The following TRAP1 variants were observed in gnomAD, a reference collection of about 807,000 sequenced individuals.
TRAP1 encodes the protein TNF receptor associated protein 1.
In TRAP1, 102 loss-of-function variants were observed where a neutral mutation model predicts 89.1. That is an observed-to-expected ratio of 1.15 (90% confidence interval 0.98 to 1.35). The LOEUF (loss-of-function observed/expected upper bound fraction) is 1.35, where lower values mean the gene tolerates loss of function less well. Among genes scored for constraint, TRAP1 ranks in the 40% most tolerant of loss-of-function variants. TRAP1 has a pLI of 0.00. For missense variants in TRAP1, 1,256 were observed against 945.3 expected, an observed-to-expected ratio of 1.33 and a Z score of -4.31; for synonymous variants, 508 against 388.0, an observed-to-expected ratio of 1.31 and a Z score of -3.64.
chr16:3,672,502 C>T (rs1028036347), intron 10 of TRAP1, among the ~76,000 whole-genome samples, 198 bp downstream of exon 10: 1 of 152,178 alleles, frequency 6.6e-6, no homozygotes, highest in South Asian at 2.1e-4. Context: ...CCAGTGCTCC[C>T]CCCAGATCAG....
Position 3,674,484 on chromosome 16 carries a change from A to C in TRAP1, c.899T>G (p.Met300Arg), listed in dbSNP as rs748184650. The part of the protein sequence containing the change: ...RRMNTLQAIW[M>R]MDPKDVREWQ... The stretch of plus-strand genomic sequence containing the variant: ...CTCACGGACATCCTTGGGGTCCATC[A>C]TCCAGATGGCCTGGAAACGGAGATC... Residue 300 changes from methionine to arginine, a missense_variant, in exon 9 of 18, where the codon ATG (methionine) becomes AGG (arginine). By Grantham distance (91) the Met-to-Arg change is moderately conservative (BLOSUM62 -1). Transcript: ENST00000246957. The C allele has an allele frequency of 1.2e-6, 2 of 1,613,894 alleles. No homozygotes were observed. The highest frequency in any genetic ancestry group is 1.7e-6 in the Non-Finnish European group (2 of 1,179,980).
rs1330866279 is a variant in TRAP1, at chr16:3,717,364, C to T, written c.88+57G>A. On this transcript the variant is annotated intron_variant, in intron 1 of 17. Transcript: ENST00000246957. ...CTCGCTCCCCGGAGCACAGGGACGTCCCTGCCGTCTCCGTGGCCCGGCCCG... is the reference window on the plus strand; with the variant it reads ...CTCGCTCCCCGGAGCACAGGGACGTTCCTGCCGTCTCCGTGGCCCGGCCCG... The T allele has an allele frequency of 7.1e-6, 5 of 700,298 alleles. No homozygotes were observed. The South Asian group carries it at 2.0e-4, about 27-fold the overall frequency. The allele number at this position is 700,298 out of a possible 1,614,324, so 43.4% of individuals were successfully genotyped here.
At chr16:3,671,898 C>T (rs142173930) in intron 10 of TRAP1, 107 bp from the exon 11 acceptor site, 20 of 1,203,384 alleles carry the variant, frequency 1.7e-5, no homozygotes, top group African/African-American at 1.6e-4. Context: ...CAACCCAGCA[C>T]GTGTGCTAAG....
At position 3,686,260 on chromosome 16, in the gene TRAP1, A is replaced by C. The variant is rs1256227805; in HGVS notation, c.331-124T>G. The C allele has an allele frequency of 2.5e-6, 3 of 1,188,124 alleles. No individual in the cohort carries two copies. The African/African-American group carries it at 4.6e-5, about 18-fold the overall frequency. 73.6% of individuals were successfully genotyped at this position (1,188,124 alleles called of 1,614,324 possible). On this transcript the variant is annotated intron_variant, in intron 3 of 17. Coordinates refer to ENST00000246957, the MANE Select transcript of TRAP1 (RefSeq NM_016292.3). ...GAGAATAGTCAATTCTCAAAGCATA[A>C]AGAGTTTCTGCTTTAGTCAAAGGCA...
chr16:3,672,971 C>T (rs1363324074), intron 9 of TRAP1, 151 bp from the exon 10 acceptor site: 1 of 1,120,000 alleles, frequency 8.9e-7, no homozygotes. Flanking sequence ...AGTGCAGGGG[C>T]CCCACGATGC....
chr16:3,711,554 G>A (rs1032348957), intron 1 of TRAP1, among the ~76,000 whole-genome samples: 4 of 151,496 alleles, frequency 2.6e-5, no homozygotes, highest in South Asian at 2.1e-4. Flanking sequence ...AGCCGAGTTC[G>A]TGCCACTGCA....
rs1285492167 is a variant in TRAP1 at position 3,715,438 on chromosome 16, A to G, written c.88+1983T>C. 2.0e-5 allele frequency among the ~76,000 whole-genome samples: 3 copies of G among 151,540 alleles called. No individual in the cohort carries two copies. In the East Asian group the frequency reaches 5.8e-4, roughly 29 times the overall value. On this transcript the variant is annotated intron_variant, in intron 1 of 17. Coordinates refer to ENST00000246957, the MANE Select transcript of TRAP1 (RefSeq NM_016292.3). The stretch of plus-strand genomic sequence containing the variant: ...GGGTGACAGAGCAAGACTCCATCTC[A>G]AAAAAAAAGAAAAAGAAAAAGAGAT...
At chr16:3,675,172 T>C in intron 8 of TRAP1, 152 bp downstream of exon 8, 1 of 701,634 alleles carries the variant, frequency 1.4e-6, no homozygotes, top group Non-Finnish European at 2.3e-6. Flanking sequence ...GCTGGGCCCC[T>C]GTCTCATCCC....
chr16:3,686,276 G>C, intron 3 of TRAP1, 140 bp from the exon 4 acceptor site: 2 of 1,008,318 alleles, frequency 2.0e-6, no homozygotes, highest in Non-Finnish European at 2.9e-6. Context: ...TTCTGCTTTA[G>C]TCAAAGGCAG....
intron 10 of TRAP1, 57 bp from the exon 11 acceptor site, chr16:3,671,848 A>T: frequency 1.3e-6 from 2 of 1,558,350 alleles, no homozygotes; most frequent in East Asian, 2.2e-5. Context: ...ACCACCCAAC[A>T]TTCCCCATTA....
chr16:3,701,169 A>G (rs2151277725), intron 1 of TRAP1, among the ~76,000 whole-genome samples: 1 of 152,360 alleles, frequency 6.6e-6, no homozygotes, highest in South Asian at 2.1e-4. Flanking sequence ...ATCAAGTAAA[A>G]TACATTTCAA....
intron 8 of TRAP1, 73 bp from the exon 9 acceptor site, chr16:3,674,567 G>C: frequency 1.3e-6 from 2 of 1,550,546 alleles, no homozygotes; most frequent in East Asian, 2.3e-5. Context: ...GCAGGCCTGA[G>C]CCAGTGCAGC....
chr16:3,672,204 C>T (rs2050923277), intron 10 of TRAP1, among the ~76,000 whole-genome samples: 1 of 152,104 alleles, frequency 6.6e-6, no homozygotes, highest in East Asian at 1.9e-4. Context: ...GGTGTGGTGG[C>T]GGGCGCCTGT....
Position 3,664,319 on chromosome 16 carries a change from T to A in TRAP1, c.1524A>T (p.Ala508=). The stretch of plus-strand genomic sequence containing the variant: ...TGGCCTCATAGTAGGGTGAGTGCTC[T>A]GCCAGGTGACGGTTGGGGGCGCACA... ...YYLCAPNRHL[A]EHSPYYEAMK... Residue 508 remains alanine (A), a synonymous_variant, in exon 13 of 18, where the codon GCA becomes GCT. Coordinates refer to ENST00000246957, the MANE Select transcript of TRAP1 (RefSeq NM_016292.3). The A allele has an allele frequency of 6.2e-7, 1 of 1,612,020 alleles. No homozygotes were observed. Among genetic ancestry groups the A allele is most frequent in the Non-Finnish European group, 8.5e-7 (1 of 1,179,316 alleles).
rs1307272242 is a variant in TRAP1 at position 3,710,899 on chromosome 16, G to A, written c.88+6522C>T. ...TATATATTTTTTTTTTTGAGACACT[G>A]TCACTCTGTCACCCAGACTGTAGTG... On this transcript the variant is annotated intron_variant, in intron 1 of 17. Coordinates refer to ENST00000246957, the MANE Select transcript of TRAP1 (RefSeq NM_016292.3). 4.0e-5 allele frequency among the ~76,000 whole-genome samples: 5 copies of A among 125,510 alleles called. No homozygotes were observed. The East Asian group carries it at 1.0e-3, about 26-fold the overall frequency. 82.3% of individuals were successfully genotyped at this position (125,510 alleles called of 152,430 possible). A position where few individuals can be genotyped will look rare whatever the true frequency, so the allele number is the denominator to read the frequency against.
chr16:3,670,859 C>G (rs1253520130), intron 11 of TRAP1, among the ~76,000 whole-genome samples: 1 of 152,064 alleles, frequency 6.6e-6, no homozygotes, highest in Non-Finnish European at 1.5e-5. Flanking sequence ...ACCACACTGC[C>G]CACCATCTCC....
chr16:3,676,045 G>A lies in TRAP1; in HGVS notation c.805C>T (p.Arg269Trp), dbSNP rs376597215. Residue 269 changes from arginine to tryptophan, a missense_variant, in exon 7 of 18, where the codon CGG becomes TGG. Arg to Trp is a moderately radical substitution (Grantham distance 101). Coordinates refer to ENST00000246957, the MANE Select transcript of TRAP1 (RefSeq NM_016292.3). ...SDCKEFSSEARVRDVVTKYSN... is the reference protein window; with the variant it reads ...SDCKEFSSEAWVRDVVTKYSN... ...CCGGGCTCCCGCTCACCTCGCACCC[G>A]GGCCTCGCTGGAAAACTCCTTGCAG... is the stretch of plus-strand genomic sequence containing the variant. 93 of 1,613,110 alleles carry A rather than the reference G, an allele frequency of 5.8e-5. 1 individual carries two copies. The highest frequency in any genetic ancestry group is 2.0e-4 in the South Asian group (18 of 90,922).
chr16:3,681,336 T>C (rs1003744268), intron 4 of TRAP1, among the ~76,000 whole-genome samples: 1 of 152,010 alleles, frequency 6.6e-6, no homozygotes, highest in Non-Finnish European at 1.5e-5. Flanking sequence ...AAAGCAAGGG[T>C]GGTCAGTGCC....
chr16:3,699,364 G>A (rs998635832), intron 1 of TRAP1, among the ~76,000 whole-genome samples: 2 of 152,154 alleles, frequency 1.3e-5, no homozygotes, highest in African/African-American at 2.4e-5. Flanking sequence ...CTGGCCAGGC[G>A]CAGTGGCTCA....
Sources: allele counts gnomAD v4.1 joint callset (sites outside exome capture counted in the v4.1 genomes callset), GRCh38; gene constraint gnomAD v4.1.1; transcripts MANE v1.5; gene names NCBI Gene and HGNC (gene_info 2026-07-23, HGNC 2026-07-21).